MIGA1: variants seen among roughly 807,000 people sequenced by gnomAD.
MIGA1 encodes the protein family with sequence similarity 73, member A.
Under a neutral mutation model 82.0 loss-of-function variants are expected in MIGA1, and 58 were observed. The ratio of observed to expected loss-of-function variants is 0.71; its 90% CI spans 0.57 to 0.88. MIGA1 has a LOEUF of 0.88. MIGA1 is among the 40% of genes least tolerant of loss of function. The pLI is 0.00. For missense variants in MIGA1, 751 were observed against 749.1 expected (o/e 1.00, Z -0.03); for synonymous variants, 249 against 253.6 (o/e 0.98, Z 0.17).
At chr1:77,849,434 T>C (rs574354698) in intron 8 of MIGA1, among the ~76,000 whole-genome samples, 2 of 152,170 alleles carry the variant, frequency 1.3e-5, no homozygotes, top group Non-Finnish European at 2.9e-5. Context: ...TTAACTCTTC[T>C]AATAATGTTG....
In MIGA1 at chr1:77,876,834, A is replaced by T. The variant is rs1230985279; in HGVS notation, c.*1770A>T. 6.6e-6 allele frequency: 1 copy of T among 152,242 alleles called. No homozygotes were observed. Among genetic ancestry groups the T allele is most frequent in the Admixed American group, 6.5e-5 (1 of 15,286 alleles). 9.4% of individuals were successfully genotyped at this position (152,242 alleles called of 1,614,324 possible). A position where few individuals can be genotyped will look rare whatever the true frequency, so the allele number is the denominator to read the frequency against. ...TTGTTTTTATGGGTGGAGTTCTTCT[A>T]TAAGAGTATATTAAATGCTTTCAGA... On this transcript the variant is annotated 3_prime_UTR_variant, in exon 16 of 16. Coordinates refer to ENST00000370791, the MANE Select transcript of MIGA1 (RefSeq NM_198549.4).
At chr1:77,841,113 T>G (rs1021263670) in intron 7 of MIGA1, among the ~76,000 whole-genome samples, 6 of 152,306 alleles carry the variant, frequency 3.9e-5, no homozygotes, top group Non-Finnish European at 7.4e-5. Context: ...TGTTGTTTTA[T>G]TCTCTAGTTT....
chr1:77,794,744 G>A (rs1682581587), intron 2 of MIGA1, among the ~76,000 whole-genome samples: 1 of 152,154 alleles, frequency 6.6e-6, no homozygotes, highest in African/African-American at 2.4e-5. Flanking sequence ...TAAGGCTCTG[G>A]TGAGCTGTGA....
At chr1:77,859,432 C>T (rs111318402) in intron 10 of MIGA1, 46 bp downstream of exon 10, 3 of 1,308,328 alleles carry the variant, frequency 2.3e-6, no homozygotes, top group Middle Eastern at 1.8e-4. Context: ...CTCATCCCCA[C>T]CCTCATGCTG....
chr1:77,825,682 T>C (rs1684003277), intron 7 of MIGA1, among the ~76,000 whole-genome samples: 1 of 152,126 alleles, frequency 6.6e-6, no homozygotes, highest in South Asian at 2.1e-4. Flanking sequence ...GCTAAAAGTA[T>C]CTGGAAGTGT....
chr1:77,845,131 C>T (rs1183779150), intron 8 of MIGA1, among the ~76,000 whole-genome samples: 1 of 152,072 alleles, frequency 6.6e-6, no homozygotes. Flanking sequence ...TATCTTTTAT[C>T]TTCTCAAGGT....
In MIGA1 at chr1:77,779,715, T is replaced by C; in HGVS notation, c.60T>C (p.Ala20=). The change falls in exon 1 of 16, where the codon GCT becomes GCC. Residue 20 remains alanine (A), a synonymous_variant. Transcript: ENST00000370791. ...GGGAAGCTGGCGTGGGCAGGCCAGC[T>C]GTACCTGGCCTGGAGCTCCAGGTAC... 1 of 1,582,400 alleles carries C rather than the reference T, an allele frequency of 6.3e-7. No individual in the cohort carries two copies.
At chr1:77,848,386 A>C in intron 8 of MIGA1, 1 of 1,006,814 alleles carries the variant, frequency 9.9e-7, no homozygotes, top group South Asian at 1.5e-5. Flanking sequence ...GCAAAGGAAG[A>C]GCGTATGAAA....
intron 2 of MIGA1, among the ~76,000 whole-genome samples, chr1:77,783,576 T>C (rs1302124448): frequency 2.0e-5 from 3 of 152,220 alleles, no homozygotes; most frequent in African/African-American, 7.2e-5. Flanking sequence ...TTTTCTGTCT[T>C]AAGCAAACTT....
At chr1:77,872,358 T>C (rs1246974064) in intron 14 of MIGA1, among the ~76,000 whole-genome samples, 5 of 152,076 alleles carry the variant, frequency 3.3e-5, no homozygotes, top group Non-Finnish European at 7.4e-5. Flanking sequence ...CCCAGCACTT[T>C]GGGAGGCAAA....
chr1:77,853,867 A>G, intron 8 of MIGA1: 1 of 264,822 alleles, frequency 3.8e-6, no homozygotes, highest in Non-Finnish European at 7.6e-6. Context: ...TTACTTTCCC[A>G]GAATATGGAG....
chr1:77,861,291 G>T lies in MIGA1; in HGVS notation c.1343G>T (p.Gly448Val), dbSNP rs1320695302. The change falls in exon 12 of 16, where the codon GGT (glycine) becomes GTT (valine). Residue 448 changes from glycine to valine, a missense_variant. Transcript: ENST00000370791. The stretch of plus-strand genomic sequence containing the variant: ...TTTTTAGAGCAGACCGATCACTGGG[G>T]TAGTACTGAAATGGAACTTGCTGCT... The T allele has an allele frequency of 6.2e-7, 1 of 1,612,890 alleles. No individual in the cohort carries two copies. The highest frequency in any genetic ancestry group is 2.2e-5 in the East Asian group (1 of 44,836).
At chr1:77,808,225 T>C (rs1683183345) in intron 5 of MIGA1, among the ~76,000 whole-genome samples, 1 of 151,830 alleles carries the variant, frequency 6.6e-6, no homozygotes, top group African/African-American at 2.4e-5. Context: ...CATTCTCTTA[T>C]AAGGACACTT....
intron 8 of MIGA1, among the ~76,000 whole-genome samples, chr1:77,857,406 T>C (rs546062727): frequency 4.6e-5 from 7 of 152,210 alleles, no homozygotes; most frequent in Admixed American, 2.0e-4. Flanking sequence ...GTTTCACTCT[T>C]GTTGCCCAGG....
chr1:77,785,916 A>C (rs1570914369), intron 2 of MIGA1, among the ~76,000 whole-genome samples: 1 of 152,192 alleles, frequency 6.6e-6, no homozygotes, highest in South Asian at 2.1e-4. Context: ...GCGGTGCCCC[A>C]GTAGGGACTC....
chr1:77,815,122 TG>T lies in MIGA1; in HGVS notation c.787del (p.Glu263AsnfsTer44). Reference sequence around the variant, plus strand: ...TCTCCTTGTAGGATATTATTAGTACTGAATTTATCCATAAACTCGAAGCTCT... The same window carrying T: ...TCTCCTTGTAGGATATTATTAGTACTAATTTATCCATAAACTCGAAGCTCT... On this transcript the variant is annotated frameshift_variant, in exon 7 of 16. Coordinates refer to ENST00000370791, the MANE Select transcript of MIGA1 (RefSeq NM_198549.4). LOFTEE classifies it high-confidence loss of function. 6.3e-7 allele frequency: 1 copy of T among 1,591,188 alleles called. No homozygotes were observed. Among genetic ancestry groups the T allele is most frequent in the Non-Finnish European group, 8.6e-7 (1 of 1,165,942 alleles).
chr1:77,800,016 C>A (rs888043354), intron 2 of MIGA1, among the ~76,000 whole-genome samples: 1 of 152,068 alleles, frequency 6.6e-6, no homozygotes, highest in African/African-American at 2.4e-5. Flanking sequence ...TTAATATAAG[C>A]ATTTAATGGC....
chr1:77,790,989 C>G (rs2101709224), intron 2 of MIGA1, among the ~76,000 whole-genome samples: 1 of 152,154 alleles, frequency 6.6e-6, no homozygotes, highest in African/African-American at 2.4e-5. Context: ...TGGTTTATTC[C>G]TGTAATCCCA....
At chr1:77,803,464 T>G (rs1682967910) in intron 4 of MIGA1, 58 bp downstream of exon 4, 1 of 775,316 alleles carries the variant, frequency 1.3e-6, no homozygotes, top group South Asian at 3.4e-5. Context: ...TTCTGTGATC[T>G]ATTAGTTTAA....
Sources: allele counts gnomAD v4.1 joint callset (sites outside exome capture counted in the v4.1 genomes callset), GRCh38; gene constraint gnomAD v4.1.1; transcripts MANE v1.5; gene names NCBI Gene and HGNC (gene_info 2026-07-23, HGNC 2026-07-21).